Variants in GCNT2 observed in about 807,000 individuals in gnomAD.
GCNT2 encodes the protein glucosaminyl (N-acetyl) transferase 2 (I blood group).
In GCNT2, 34 loss-of-function variants were observed where a neutral mutation model predicts 34.2. The observed-to-expected ratio is 1.00, with a 90% CI of 0.76 to 1.32. The LOEUF (loss-of-function observed/expected upper bound fraction) is 1.32. GCNT2 is among the 40% of genes most tolerant of loss of function. The pLI, the probability that GCNT2 is intolerant of heterozygous loss-of-function variation, is 0.00. For synonymous variants in GCNT2, 212 were observed against 188.0 expected (o/e 1.13, Z -1.04); for missense variants, 584 against 489.4 (o/e 1.19, Z -1.82).
intron 3 of GCNT2, among the ~76,000 whole-genome samples, chr6:10,613,299 C>T (rs1765634372): frequency 2.0e-5 from 3 of 152,120 alleles, no homozygotes; most frequent in South Asian, 4.1e-4. Flanking sequence ...GCCTCAAATG[C>T]TCTGTTTATA....
At chr6:10,616,491 T>G (rs955323812) in intron 3 of GCNT2, among the ~76,000 whole-genome samples, 1 of 152,188 alleles carries the variant, frequency 6.6e-6, no homozygotes, top group Non-Finnish European at 1.5e-5. Flanking sequence ...GATTGGTGCA[T>G]TTACAATCCC....
At chr6:10,527,190 GA>G (rs951362067) in intron 1 of GCNT2, among the ~76,000 whole-genome samples, 6 of 152,168 alleles carry the variant, frequency 3.9e-5, no homozygotes, top group African/African-American at 1.4e-4. Flanking sequence ...TTGGGAGGCC[GA>G]GGCGGGTGGA....
At chr6:10,565,652 T>C (rs992257318) in intron 3 of GCNT2, among the ~76,000 whole-genome samples, 7 of 152,236 alleles carry the variant, frequency 4.6e-5, no homozygotes, top group Non-Finnish European at 1.0e-4. Flanking sequence ...TGTATCTTCC[T>C]ACTTTCTTGA....
intron 3 of GCNT2, among the ~76,000 whole-genome samples, chr6:10,597,396 C>G (rs1313957646): frequency 1.3e-5 from 2 of 151,960 alleles, no homozygotes; most frequent in Non-Finnish European, 2.9e-5. Context: ...CTCAAGCAAT[C>G]TGCTTGCCTC....
intron 3 of GCNT2, among the ~76,000 whole-genome samples, chr6:10,599,506 C>T (rs1306299222): frequency 2.0e-5 from 3 of 152,126 alleles, no homozygotes; most frequent in Non-Finnish European, 2.9e-5. Flanking sequence ...TATTGTATCC[C>T]AGCGGAGGTA....
intron 3 of GCNT2, among the ~76,000 whole-genome samples, chr6:10,609,430 T>C (rs148303842): frequency 6.6e-6 from 1 of 152,338 alleles, no homozygotes; most frequent in East Asian, 1.9e-4. Flanking sequence ...ATAATGACAT[T>C]AGTCCATTCA....
intron 3 of GCNT2, chr6:10,586,767 A>G (rs368253480): frequency 1.7e-5 from 28 of 1,613,968 alleles, no homozygotes; most frequent in Non-Finnish European, 2.0e-5. Flanking sequence ...TCAGCTGACC[A>G]TCTACTTTGG....
intron 3 of GCNT2, among the ~76,000 whole-genome samples, chr6:10,603,733 T>G (rs372920751): frequency 3.3e-5 from 5 of 151,942 alleles, no homozygotes; most frequent in Non-Finnish European, 7.4e-5. Context: ...CAGGCTGGTC[T>G]TGAACTCCTG....
At chr6:10,573,495 TG>T (rs1277991719) in intron 3 of GCNT2, among the ~76,000 whole-genome samples, 2 of 151,936 alleles carry the variant, frequency 1.3e-5, no homozygotes, top group Non-Finnish European at 2.9e-5. Flanking sequence ...TAAGTTGGGG[TG>T]GGGGCAGGTA....
chr6:10,529,735 A>T lies in GCNT2; in HGVS notation c.824A>T (p.Asn275Ile). 1 of 1,614,080 alleles carries T rather than the reference A, an allele frequency of 6.2e-7. No individual in the cohort carries two copies. The highest frequency in any genetic ancestry group is 8.5e-7 in the Non-Finnish European group (1 of 1,179,964). Residue 275 changes from asparagine to isoleucine, a missense_variant, in exon 3 of 5, where the codon AAC becomes ATC. Physicochemically the swap from Asn to Ile is moderately radical, Grantham distance 149 (BLOSUM62 -3). Coordinates refer to ENST00000495262, the MANE Select transcript of GCNT2 (RefSeq NM_145649.5). ...AYVALTRDFA[N>I]FVLQDQLALD... Reference sequence around the variant, plus strand: ...GTGGCTCTCACAAGGGACTTTGCTAACTTCGTCCTCCAAGACCAGCTCGCA... The same window carrying T: ...GTGGCTCTCACAAGGGACTTTGCTATCTTCGTCCTCCAAGACCAGCTCGCA...
intron 3 of GCNT2, among the ~76,000 whole-genome samples, chr6:10,538,162 CT>C (rs1342784804): frequency 6.6e-6 from 1 of 151,758 alleles, no homozygotes; most frequent in Non-Finnish European, 1.5e-5. Context: ...AATCCTAGCA[CT>C]TTGGGCAGCT....
intron 3 of GCNT2, among the ~76,000 whole-genome samples, chr6:10,617,282 G>A (rs905639533): frequency 3.3e-5 from 5 of 152,188 alleles, no homozygotes; most frequent in Admixed American, 2.0e-4. Flanking sequence ...TCACTGCCCC[G>A]GGCGGCGGGG....
intron 4 of GCNT2, among the ~76,000 whole-genome samples, chr6:10,623,612 T>C (rs767843708): frequency 6.6e-6 from 1 of 152,162 alleles, no homozygotes; most frequent in Non-Finnish European, 1.5e-5. Context: ...ATCAGCCCTC[T>C]TAGCACTTAG....
chr6:10,609,826 T>C (rs1256587133), intron 3 of GCNT2, among the ~76,000 whole-genome samples: 1 of 152,060 alleles, frequency 6.6e-6, no homozygotes, highest in Non-Finnish European at 1.5e-5. Flanking sequence ...AGTGAGGAGT[T>C]GGAATTCTGG....
In GCNT2 at chr6:10,582,118, A is replaced by T. The variant is rs1231959084; in HGVS notation, c.926-39233A>T. The stretch of plus-strand genomic sequence containing the variant: ...TATATCTCTTAAAGTACATATAAAA[A>T]ACATTTATAAATGCATATATGATAT... On this transcript the variant is annotated intron_variant, in intron 3 of 4. Transcript: ENST00000495262. Among the ~76,000 whole-genome samples the T allele has an allele frequency of 6.9e-3, 973 of 141,464 alleles. 15 individuals are homozygous for T. The highest frequency in any genetic ancestry group is 0.022 in the African/African-American group (856 of 38,634). 92.8% of individuals were successfully genotyped at this position (141,464 alleles called of 152,430 possible). A position where few individuals can be genotyped will look rare whatever the true frequency, so the allele number is the denominator to read the frequency against.
At chr6:10,543,089 G>T (rs957617945) in intron 3 of GCNT2, among the ~76,000 whole-genome samples, 4 of 151,036 alleles carry the variant, frequency 2.6e-5, no homozygotes, top group Non-Finnish European at 2.9e-5. Flanking sequence ...TATATTTTTA[G>T]TAGAGACGGG....
chr6:10,538,235 C>T (rs1218918545), intron 3 of GCNT2, among the ~76,000 whole-genome samples: 2 of 151,106 alleles, frequency 1.3e-5, no homozygotes, highest in African/African-American at 4.9e-5. Flanking sequence ...TGATGAAACC[C>T]CGTCTCTACT....
At chr6:10,625,924 T>C (rs1363083542) in intron 4 of GCNT2, among the ~76,000 whole-genome samples, 1 of 152,232 alleles carries the variant, frequency 6.6e-6, no homozygotes, top group Non-Finnish European at 1.5e-5. Flanking sequence ...ATAAAAGTTA[T>C]GTGAATAAAA....
chr6:10,527,541 G>A lies in GCNT2; in HGVS notation c.-401G>A, dbSNP rs927306827. 2.0e-5 allele frequency: 3 copies of A among 152,206 alleles called. No individual in the cohort carries two copies. The highest frequency in any genetic ancestry group is 6.5e-5 in the Admixed American group (1 of 15,280). The allele number at this position is 152,206 out of a possible 1,614,324, so 9.4% of individuals were successfully genotyped here. A position where few individuals can be genotyped will look rare whatever the true frequency, so the allele number is the denominator to read the frequency against. On this transcript the variant is annotated 5_prime_UTR_variant, in exon 2 of 5. Transcript: ENST00000495262. ...CGCCAATGGAACATGCTTTCACACCGGGTGCAGCTAACCACCACATCATAC... is the reference window on the plus strand; with the variant it reads ...CGCCAATGGAACATGCTTTCACACCAGGTGCAGCTAACCACCACATCATAC...
Sources: gnomAD v4.1 joint callset for allele counts (sites outside exome capture counted in the v4.1 genomes callset) on GRCh38, gnomAD v4.1.1 for gene constraint, MANE v1.5 for transcripts, NCBI Gene and HGNC (gene_info 2026-07-23, HGNC 2026-07-21) for gene names.